Variants in OSMR observed in about 807,000 individuals in gnomAD.
OSMR encodes oncostatin M receptor.
Under a neutral mutation model 99.9 loss-of-function variants are expected in OSMR, and 81 were observed. That is an observed-to-expected ratio of 0.81 (90% confidence interval 0.68 to 0.97). OSMR has a LOEUF of 0.97. Ranked by LOEUF, OSMR falls within the 50% of genes least tolerant of loss-of-function variation. The pLI, the probability that OSMR is intolerant of heterozygous loss-of-function variation, is 0.00. For synonymous variants in OSMR, 406 were observed against 410.4 expected, an observed-to-expected ratio of 0.99 and a Z score of 0.13; for missense variants, 1,099 against 1,153.4, an observed-to-expected ratio of 0.95 and a Z score of 0.68.
intron 1 of OSMR, among the ~76,000 whole-genome samples, chr5:38,860,339 C>T (rs1238260207): frequency 6.6e-6 from 1 of 152,040 alleles, no homozygotes; most frequent in Non-Finnish European, 1.5e-5. Flanking sequence ...TGGTTTTTGT[C>T]TTTCATTTTT....
intron 7 of OSMR, among the ~76,000 whole-genome samples, chr5:38,889,529 T>A (rs1744016093): frequency 6.6e-6 from 1 of 152,198 alleles, no homozygotes; most frequent in Non-Finnish European, 1.5e-5. Flanking sequence ...ACCTCATCCA[T>A]GATGTTTGCT....
Position 38,885,371 on chromosome 5 carries a change from C to T in OSMR, c.726C>T (p.Asp242=), listed in dbSNP as rs878932434. 3 of 1,613,874 alleles carry T rather than the reference C, an allele frequency of 1.9e-6. No homozygotes were observed. The Admixed American group carries it at 5.0e-5, about 27-fold the overall frequency. ...CAGAAGTACTTGAGGAGCCCAAGGA[C>T]TTTTCTTGTGAAACCGAGGACTTCA... ...FVSKVLEEPK[D]FSCETEDFKT... is the part of the protein sequence containing the mutation. Residue 242 remains aspartate (D), a synonymous_variant, in exon 6 of 18, where the codon GAC becomes GAT. Coordinates refer to ENST00000274276, the MANE Select transcript of OSMR (RefSeq NM_003999.3).
intron 7 of OSMR, among the ~76,000 whole-genome samples, chr5:38,901,181 A>C (rs1216767337): frequency 6.6e-6 from 1 of 152,188 alleles, no homozygotes; most frequent in African/African-American, 2.4e-5. Context: ...TTGGCTATCT[A>C]TTGGCCAGAT....
chr5:38,925,280 A>C lies in OSMR; in HGVS notation c.2121A>C (p.Glu707Asp). ...TGATTGTGGACAACCTAAAGCCAGA[A>C]TCCTTCTATGAGTTTTTCATCACTC... The part of the protein sequence containing the change: ...KALIVDNLKP[E>D]SFYEFFITPF... Residue 707 changes from glutamate (E) to aspartate (D), a missense_variant, in exon 15 of 18, where the codon GAA becomes GAC. Physicochemically the swap from Glu to Asp is conservative, Grantham distance 45. Coordinates refer to ENST00000274276, the MANE Select transcript of OSMR (RefSeq NM_003999.3). The C allele has an allele frequency of 6.2e-7, 1 of 1,614,148 alleles. No homozygotes were observed. Among genetic ancestry groups the C allele is most frequent in the Non-Finnish European group, 8.5e-7 (1 of 1,180,010 alleles).
chr5:38,898,517 A>G (rs1279185938), intron 7 of OSMR, among the ~76,000 whole-genome samples: 4 of 152,180 alleles, frequency 2.6e-5, no homozygotes, highest in Non-Finnish European at 5.9e-5. Context: ...CTCATAGGCA[A>G]CAGATCATTG....
At position 38,944,821 on chromosome 5, in the gene OSMR, CTTTAA is replaced by C. The variant is rs1747996254; in HGVS notation, c.*87-120_*87-116del. The C allele has an allele frequency of 3.9e-6, 5 of 1,271,934 alleles. 1 individual carries two copies. In the South Asian group the frequency reaches 6.2e-5, roughly 16 times the overall value. The allele number at this position is 1,271,934 out of a possible 1,614,324, so 78.8% of individuals were successfully genotyped here. A position where few individuals can be genotyped will look rare whatever the true frequency, so the allele number is the denominator to read the frequency against. On this transcript the variant is annotated intron_variant and NMD_transcript_variant, in intron 2 of 2. Transcript: ENST00000508882. ...TGGACGTATTACTGTTTTGAGACAA[CTTTAA>C]TTTACAGTATTTACGAAAAACAAAA...
At chr5:38,867,598 C>T (rs537379820) in intron 1 of OSMR, among the ~76,000 whole-genome samples, 10 of 152,344 alleles carry the variant, frequency 6.6e-5, no homozygotes, top group Admixed American at 6.5e-4. Context: ...TGAGGTCATC[C>T]AGCCTTATTC....
intron 1 of OSMR, among the ~76,000 whole-genome samples, chr5:38,858,167 G>T (rs1741004137): frequency 6.6e-6 from 1 of 152,046 alleles, no homozygotes; most frequent in African/African-American, 2.4e-5. Flanking sequence ...ACAATATGTT[G>T]TTGTTAGCTA....
intron 3 of OSMR, among the ~76,000 whole-genome samples, chr5:38,879,587 GCA>G (rs1312298895): frequency 1.3e-5 from 2 of 151,854 alleles, no homozygotes; most frequent in African/African-American, 2.4e-5. Flanking sequence ...CTTCCTTCTA[GCA>G]GGGGTCTGGG....
At chr5:38,925,582 A>G (rs1746439116) in intron 15 of OSMR, among the ~76,000 whole-genome samples, 1 of 152,208 alleles carries the variant, frequency 6.6e-6, no homozygotes, top group Non-Finnish European at 1.5e-5. Context: ...AAATAGAGGT[A>G]ATCTGTCTGA....
chr5:38,889,621 A>C (rs1744022739), intron 7 of OSMR, among the ~76,000 whole-genome samples: 2 of 152,066 alleles, frequency 1.3e-5, no homozygotes, highest in Admixed American at 6.6e-5. Context: ...TTGTCTTATC[A>C]TCATATTCAT....
chr5:38,935,440 G>C lies in OSMR; in HGVS notation c.*1996G>C, dbSNP rs937466784. 6.6e-6 allele frequency: 1 copy of C among 152,132 alleles called. No individual in the cohort carries two copies. The highest frequency in any genetic ancestry group is 1.5e-5 in the Non-Finnish European group (1 of 68,030). 9.4% of individuals were successfully genotyped at this position (152,132 alleles called of 1,614,324 possible). A position where few individuals can be genotyped will look rare whatever the true frequency, so the allele number is the denominator to read the frequency against. ...ACAGTTGTGTTAGACTTTAGGGCCA[G>C]TATTGTCAGCATTTATTTATTTATG... On this transcript the variant is annotated 3_prime_UTR_variant, in exon 18 of 18. Coordinates refer to ENST00000274276, the MANE Select transcript of OSMR (RefSeq NM_003999.3).
Position 38,886,108 on chromosome 5 carries a change from A to G in OSMR, c.909A>G (p.Gln303=). 1 of 1,613,918 alleles carries G rather than the reference A, an allele frequency of 6.2e-7. No individual in the cohort carries two copies. Among genetic ancestry groups the G allele is most frequent in the South Asian group, 1.1e-5 (1 of 90,958 alleles). The change falls in exon 7 of 18, where the codon CAA becomes CAG. Residue 303 remains glutamine, a synonymous_variant. Transcript: ENST00000274276. ...ATTGGCAAATAACTCAAGACTCACA[A>G]GAAACCTATAACTTCACACTCATAG... ...WCNWQITQDS[Q]ETYNFTLIAE...
chr5:38,934,665 T>TGACTA lies in OSMR; in HGVS notation c.*1223_*1227dup, dbSNP rs1194700813. On this transcript the variant is annotated 3_prime_UTR_variant, in exon 18 of 18. Coordinates refer to ENST00000274276, the MANE Select transcript of OSMR (RefSeq NM_003999.3). Reference sequence around the variant, plus strand: ...GACTCCAGGTGCATGCTACCACACCTGACTAGTTTTTATATTTTTAGTAGA... The same window carrying TGACTA: ...GACTCCAGGTGCATGCTACCACACCTGACTAGACTAGTTTTTATATTTTTAGTAGA... 1.3e-4 allele frequency: 19 copies of TGACTA among 151,830 alleles called. No homozygotes were observed. The highest frequency in any genetic ancestry group is 3.9e-4 in the African/African-American group (16 of 41,388). 9.4% of individuals were successfully genotyped at this position (151,830 alleles called of 1,614,324 possible). A position where few individuals can be genotyped will look rare whatever the true frequency, so the allele number is the denominator to read the frequency against.
intron 7 of OSMR, among the ~76,000 whole-genome samples, chr5:38,892,867 CCCCCTA>C (rs972119442): frequency 6.6e-6 from 1 of 151,876 alleles, no homozygotes; most frequent in African/African-American, 2.4e-5. Flanking sequence ...CGCCACCTTA[CCCCCTA>C]CCCCTACAGA....
downstream of OSMR, chr5:38,940,276 A>G (rs1747417354): frequency 4.3e-6 from 1 of 231,558 alleles, no homozygotes; most frequent in Non-Finnish European, 8.5e-6. Flanking sequence ...AAAAAAAATT[A>G]CTGTTAACTT....
chr5:38,918,829 A>G lies in OSMR; in HGVS notation c.1363-11A>G, dbSNP rs1561402064. The G allele has an allele frequency of 6.2e-7, 1 of 1,613,638 alleles. No individual in the cohort carries two copies. Among genetic ancestry groups the G allele is most frequent in the South Asian group, 1.1e-5 (1 of 91,056 alleles). On this transcript the variant is annotated splice_polypyrimidine_tract_variant and intron_variant, in intron 10 of 17. Coordinates refer to ENST00000274276, the MANE Select transcript of OSMR (RefSeq NM_003999.3). ...AACCCATTTAAAAATGTTTATCAAT[A>G]TTTTTTTCAGCCATTATCAAAACTG...
At chr5:38,945,498 A>C, downstream of OSMR, 1 of 1,605,794 alleles carries the variant, frequency 6.2e-7, no homozygotes. Context: ...TACCTGAATG[A>C]CTACATATTG....
At chr5:38,919,259 CT>C (rs1746108221) in intron 11 of OSMR, 197 bp downstream of exon 11, 1 of 1,515,956 alleles carries the variant, frequency 6.6e-7, no homozygotes, top group Non-Finnish European at 8.8e-7. Flanking sequence ...GAGAAGGAGA[CT>C]TCAGCCATGG....
Sources: gnomAD v4.1 joint callset for allele counts (sites outside exome capture counted in the v4.1 genomes callset) on GRCh38, gnomAD v4.1.1 for gene constraint, MANE v1.5 for transcripts, NCBI Gene and HGNC (gene_info 2026-07-23, HGNC 2026-07-21) for gene names.